The following HFM1 variants were observed in gnomAD, a reference collection of about 807,000 sequenced individuals.
HFM1 encodes probable ATP-dependent DNA helicase HFM1.
A neutral mutation model predicts 192.1 loss-of-function variants in HFM1; 169 were observed. The ratio of observed to expected loss-of-function variants is 0.88; its 90% confidence interval spans 0.78 to 1.00. The LOEUF (loss-of-function observed/expected upper bound fraction) is 1.00, where lower values mean the gene tolerates loss of function less well. HFM1 is among the 50% of genes least tolerant of loss of function. The pLI is 0.00. For missense variants in HFM1, 1,661 were observed against 1,668.0 expected, an observed-to-expected ratio of 1.00 and a Z score of 0.07; for synonymous variants, 525 against 537.8, an observed-to-expected ratio of 0.98 and a Z score of 0.33.
intron 30 of HFM1, among the ~76,000 whole-genome samples, chr1:91,282,480 C>A (rs990449774): frequency 6.6e-6 from 1 of 152,152 alleles, no homozygotes; most frequent in Non-Finnish European, 1.5e-5. Context: ...TTTGGACTTT[C>A]ACACATTCTA....
Position 91,262,324 on chromosome 1 carries a change from A to C in HFM1, c.4155T>G (p.Ser1385=). The C allele has an allele frequency of 6.5e-7, 1 of 1,546,102 alleles. No homozygotes were observed. The highest frequency in any genetic ancestry group is 8.8e-7 in the Non-Finnish European group (1 of 1,139,962). ...AATTTGAAGAATTTGGGTTTTTTTC[A>C]GAGAAAGTAAAGCATTGCTTCTCAA... ...PEIEKQCFTF[S]EKNPNSSNYK... Residue 1385 remains serine (S), a synonymous_variant, in exon 38 of 39, where the codon TCT becomes TCG. Coordinates refer to ENST00000370425, the MANE Select transcript of HFM1 (RefSeq NM_001017975.6).
chr1:91,370,929 C>G (rs568125228), intron 13 of HFM1, among the ~76,000 whole-genome samples: 146 of 152,124 alleles, frequency 9.6e-4, no homozygotes, highest in African/African-American at 3.4e-3. Context: ...AAATCACAAG[C>G]ATTCTTATAC....
rs1665273936 is a variant in HFM1 at position 91,262,605 on chromosome 1, A to G, written c.3975-13T>C. On this transcript the variant is annotated splice_polypyrimidine_tract_variant and intron_variant, in intron 36 of 38. Coordinates refer to ENST00000370425, the MANE Select transcript of HFM1 (RefSeq NM_001017975.6). ...TGATGAAACAAAACTAAAAATTAAAATTAATTATTTGTAAAATACGGCAAA... is the reference window on the plus strand; with the variant it reads ...TGATGAAACAAAACTAAAAATTAAAGTTAATTATTTGTAAAATACGGCAAA... 6.2e-6 allele frequency: 9 copies of G among 1,444,324 alleles called. No individual in the cohort carries two copies. The highest frequency in any genetic ancestry group is 8.7e-6 in the Non-Finnish European group (9 of 1,037,236). 89.5% of individuals were successfully genotyped at this position (1,444,324 alleles called of 1,614,324 possible).
chr1:91,369,935 A>C (rs1327279047), intron 13 of HFM1, among the ~76,000 whole-genome samples: 1 of 152,220 alleles, frequency 6.6e-6, no homozygotes, highest in Non-Finnish European at 1.5e-5. Flanking sequence ...CAGAAATACA[A>C]ACTACCATCA....
intron 30 of HFM1, among the ~76,000 whole-genome samples, chr1:91,284,712 T>C (rs946532366): frequency 2.6e-5 from 4 of 152,236 alleles, no homozygotes; most frequent in Admixed American, 2.0e-4. Flanking sequence ...AGAGCAGGCC[T>C]GAAAATTTTT....
In HFM1 at chr1:91,261,154, A is replaced by G. The variant is rs1273908163; in HGVS notation, c.*136T>C. On this transcript the variant is annotated 3_prime_UTR_variant, in exon 39 of 39. Coordinates refer to ENST00000370425, the MANE Select transcript of HFM1 (RefSeq NM_001017975.6). ...AATCGGCCCATACATTTTGTTGCAA[A>G]AAGTGAACAAAGCTAATCAAATACA... The G allele has an allele frequency of 7.3e-6, 3 of 409,124 alleles. No individual in the cohort carries two copies. Among genetic ancestry groups the G allele is most frequent in the Non-Finnish European group, 1.3e-5 (3 of 224,446 alleles). 25.3% of individuals were successfully genotyped at this position (409,124 alleles called of 1,614,324 possible).
intron 13 of HFM1, among the ~76,000 whole-genome samples, chr1:91,370,929 C>A (rs568125228): frequency 6.6e-6 from 1 of 152,126 alleles, no homozygotes; most frequent in South Asian, 2.1e-4. Context: ...AAATCACAAG[C>A]ATTCTTATAC....
In HFM1 at chr1:91,314,034, C is replaced by G. The variant is rs778809806; in HGVS notation, c.3167G>C (p.Ser1056Thr). 1.2e-6 allele frequency: 2 copies of G among 1,609,008 alleles called. No individual in the cohort carries two copies. The highest frequency in any genetic ancestry group is 1.7e-6 in the Non-Finnish European group (2 of 1,176,636). Residue 1056 changes from serine to threonine, a missense_variant, in exon 29 of 39, where the codon AGT (serine) becomes ACT (threonine). Ser to Thr is a moderately conservative substitution (Grantham distance 58, BLOSUM62 1). Coordinates refer to ENST00000370425, the MANE Select transcript of HFM1 (RefSeq NM_001017975.6). ...TTTCACAGCAATCTTTTTAGCCCAA[C>G]TTCCAGCTTTTAGCAAAACAGAATC... ...ITDSVLLKAG[S>T]WAKKIAVKRA...
chr1:91,334,656 C>T lies in HFM1; in HGVS notation c.2335+8774G>A, dbSNP rs143073008. On this transcript the variant is annotated intron_variant, in intron 20 of 38. Coordinates refer to ENST00000370425, the MANE Select transcript of HFM1 (RefSeq NM_001017975.6). ...TAAGAGGTTACTGGATTCGGCCGGG[C>T]GCATTGGCTCACACCTGTAATCCCA... is the stretch of plus-strand genomic sequence containing the variant. Among the ~76,000 whole-genome samples, 5 of 152,072 alleles carry T rather than the reference C, an allele frequency of 3.3e-5. No individual in the cohort carries two copies. In the East Asian group the frequency reaches 5.8e-4, roughly 18 times the overall value.
At chr1:91,388,552 CA>C (rs577389269) in intron 4 of HFM1, among the ~76,000 whole-genome samples, 1 of 152,040 alleles carries the variant, frequency 6.6e-6, no homozygotes, top group African/African-American at 2.4e-5. Context: ...TATCTACATG[CA>C]AAAAGAATGA....
chr1:91,264,521 C>T (rs901175051), intron 36 of HFM1, among the ~76,000 whole-genome samples: 4 of 148,444 alleles, frequency 2.7e-5, no homozygotes, highest in East Asian at 2.0e-4. Flanking sequence ...TACAGGCGCC[C>T]GCCATCACGC....
At chr1:91,376,681 T>G (rs1660949233) in intron 11 of HFM1, among the ~76,000 whole-genome samples, 1 of 151,838 alleles carries the variant, frequency 6.6e-6, no homozygotes. Flanking sequence ...AATTTTACCT[T>G]AGTAGAAATC....
chr1:91,361,135 A>G (rs979447923), intron 13 of HFM1, among the ~76,000 whole-genome samples: 2 of 152,124 alleles, frequency 1.3e-5, no homozygotes, highest in African/African-American at 4.8e-5. Flanking sequence ...AACTAAAAGA[A>G]CTAGAGAACC....
chr1:91,273,543 T>C (rs1666515076), intron 34 of HFM1, among the ~76,000 whole-genome samples, 169 bp downstream of exon 34: 1 of 151,990 alleles, frequency 6.6e-6, no homozygotes, highest in Non-Finnish European at 1.5e-5. Flanking sequence ...TAAGACCATC[T>C]CAATAACAGA....
intron 13 of HFM1, among the ~76,000 whole-genome samples, chr1:91,364,058 A>G (rs1025805692): frequency 5.9e-5 from 9 of 152,102 alleles, no homozygotes; most frequent in African/African-American, 1.2e-4. Context: ...AGCATTAAGA[A>G]TAATAGCTAA....
chr1:91,296,043 C>T (rs936393784), intron 30 of HFM1, among the ~76,000 whole-genome samples: 25 of 152,166 alleles, frequency 1.6e-4, no homozygotes, highest in Middle Eastern at 3.4e-3. Context: ...ATTCACCTCC[C>T]GAGTAGCTGG....
In HFM1 at chr1:91,342,146, A is replaced by AC. The variant is rs1655436535; in HGVS notation, c.2335+1283_2335+1284insG. On this transcript the variant is annotated intron_variant, in intron 20 of 38. Coordinates refer to ENST00000370425, the MANE Select transcript of HFM1 (RefSeq NM_001017975.6). ...CAGAGACACAATGAAAAAAAAAAAA[A>AC]AAAAATTCAGGCGAATATTCCTGAT... 2.6e-5 allele frequency among the ~76,000 whole-genome samples: 3 copies of AC among 116,670 alleles called. 1 individual carries two copies. Among genetic ancestry groups the AC allele is most frequent in the African/African-American group, 3.4e-5 (1 of 29,662 alleles). The allele number at this position is 116,670 out of a possible 152,430, so 76.5% of individuals were successfully genotyped here.
intron 6 of HFM1, among the ~76,000 whole-genome samples, chr1:91,381,955 A>G (rs1240579026): frequency 6.6e-6 from 1 of 152,092 alleles, no homozygotes; most frequent in East Asian, 1.9e-4. Context: ...GTGTATGGCT[A>G]TAAGGCTCCA....
chr1:91,370,190 A>C (rs1038920868), intron 13 of HFM1, among the ~76,000 whole-genome samples: 1 of 152,216 alleles, frequency 6.6e-6, no homozygotes, highest in Non-Finnish European at 1.5e-5. Flanking sequence ...ATTCCTTCTG[A>C]AACTATTCCA....
Sources: gnomAD v4.1 joint callset for allele counts (sites outside exome capture counted in the v4.1 genomes callset) on GRCh38, gnomAD v4.1.1 for gene constraint, MANE v1.5 for transcripts, NCBI Gene and HGNC (gene_info 2026-07-23, HGNC 2026-07-21) for gene names.